ARNT2: variants seen among roughly 807,000 people sequenced by gnomAD.
ARNT2 encodes ARNT protein 2.
A neutral mutation model predicts 91.7 loss-of-function variants in ARNT2; 36 were observed. The ratio of observed to expected loss-of-function variants is 0.39; its 90% confidence interval spans 0.30 to 0.52. The LOEUF (loss-of-function observed/expected upper bound fraction) is 0.52. Ranked by LOEUF, ARNT2 falls within the 20% of genes least tolerant of loss-of-function variation. ARNT2 has a pLI of 0.72. For missense variants in ARNT2, 775 were observed against 939.3 expected (o/e 0.83, Z 2.29); for synonymous variants, 365 against 347.1 (o/e 1.05, Z -0.57).
At chr15:80,526,569 G>C (rs1227077612) in intron 8 of ARNT2, among the ~76,000 whole-genome samples, 1 of 152,228 alleles carries the variant, frequency 6.6e-6, no homozygotes, top group African/African-American at 2.4e-5. Flanking sequence ...CAGAGCCAAG[G>C]TCTGACCCTG....
At position 80,575,064 on chromosome 15, in the gene ARNT2, G is replaced by A. The variant is rs79573425; in HGVS notation, c.1467G>A (p.Gln489=). The A allele has an allele frequency of 6.1e-4, 979 of 1,614,204 alleles. 5 individuals carry two copies. The African/African-American group carries it at 0.011, about 18-fold the overall frequency. ...SVEKADAIFS[Q]ERDPRFAEMF... is the part of the protein sequence containing the mutation. ...AAAAGGCGGATGCAATCTTCTCCCA[G>A]GAAAGAGATCCTCGGTTTGCTGAAA... The change falls in exon 14 of 19, where the codon CAG becomes CAA. Residue 489 remains glutamine, a synonymous_variant. Coordinates refer to ENST00000303329, the MANE Select transcript of ARNT2 (RefSeq NM_014862.4).
chr15:80,514,294 A>G, intron 7 of ARNT2, 26 bp from the exon 8 acceptor site: 5 of 1,612,534 alleles, frequency 3.1e-6, no homozygotes, highest in Middle Eastern at 1.7e-4. Flanking sequence ...TGTGATGAAA[A>G]CAATTTCACA....
rs752647199 is a variant in ARNT2, at chr15:80,581,381, T to G, written c.1895T>G (p.Leu632Arg). 1.9e-6 allele frequency: 3 copies of G among 1,614,124 alleles called. No homozygotes were observed. The highest frequency in any genetic ancestry group is 1.7e-6 in the Non-Finnish European group (2 of 1,179,996). Reference sequence around the variant, plus strand: ...CCAAGTGGGAATGCCTACTCCAGTCTTGCCAACAGGACTCCAGGGTTCGGT... The same window carrying G: ...CCAAGTGGGAATGCCTACTCCAGTCGTGCCAACAGGACTCCAGGGTTCGGT... ...SSPSGNAYSS[L>R]ANRTPGFAES... is the part of the protein sequence containing the mutation. Residue 632 changes from leucine (L) to arginine (R), a missense_variant, in exon 17 of 19, where the codon CTT becomes CGT. By Grantham distance (102) the Leu-to-Arg change is moderately radical. Transcript: ENST00000303329.
intron 11 of ARNT2, 99 bp from the exon 12 acceptor site, chr15:80,562,989 G>T: frequency 1.5e-6 from 2 of 1,367,776 alleles, no homozygotes; most frequent in East Asian, 2.3e-5. Context: ...CTGAGGTCCT[G>T]CTGGCCCCTG....
At chr15:80,552,000 C>T (rs1235804368) in intron 9 of ARNT2, among the ~76,000 whole-genome samples, 1 of 152,156 alleles carries the variant, frequency 6.6e-6, no homozygotes, top group Non-Finnish European at 1.5e-5. Flanking sequence ...ATGTCTGGCA[C>T]ACACAGTAAC....
intron 1 of ARNT2, among the ~76,000 whole-genome samples, chr15:80,431,117 C>A (rs1022204847): frequency 2.6e-5 from 4 of 152,140 alleles, no homozygotes; most frequent in African/African-American, 9.7e-5. Context: ...AAGCCACCTG[C>A]CACCACCACC....
intron 12 of ARNT2, among the ~76,000 whole-genome samples, chr15:80,568,105 T>A (rs185096210): frequency 1.3e-5 from 2 of 152,322 alleles, no homozygotes. Context: ...AAAGAAGACC[T>A]CTTTATCATC....
chr15:80,406,037 A>G (rs926437633), intron 1 of ARNT2, among the ~76,000 whole-genome samples: 7 of 152,218 alleles, frequency 4.6e-5, no homozygotes, highest in Non-Finnish European at 7.3e-5. Flanking sequence ...CAGGGAGGCC[A>G]GCATGAAATG....
chr15:80,425,846 G>A (rs1225736298), intron 1 of ARNT2, among the ~76,000 whole-genome samples: 7 of 152,136 alleles, frequency 4.6e-5, no homozygotes, highest in African/African-American at 1.4e-4. Context: ...CCAGGTGCTC[G>A]AGACCAGCCT....
chr15:80,416,473 T>C (rs1895787296), intron 1 of ARNT2, among the ~76,000 whole-genome samples: 1 of 152,220 alleles, frequency 6.6e-6, no homozygotes, highest in African/African-American at 2.4e-5. Flanking sequence ...AATAGCATTA[T>C]CTAATCCACA....
intron 1 of ARNT2, among the ~76,000 whole-genome samples, chr15:80,423,040 A>G (rs973025193): frequency 2.0e-5 from 3 of 152,196 alleles, no homozygotes; most frequent in African/African-American, 7.2e-5. Flanking sequence ...TTTAAATCAA[A>G]TGTATGTTGG....
At chr15:80,516,417 G>A (rs1240249565) in intron 8 of ARNT2, among the ~76,000 whole-genome samples, 2 of 152,128 alleles carry the variant, frequency 1.3e-5, no homozygotes, top group East Asian at 1.9e-4. Flanking sequence ...AAAGAAAAGT[G>A]TTCCTTTTTA....
intron 12 of ARNT2, among the ~76,000 whole-genome samples, chr15:80,565,773 A>G (rs1466729591): frequency 6.6e-6 from 1 of 151,416 alleles, no homozygotes; most frequent in African/African-American, 2.4e-5. Flanking sequence ...TGGATTCTGG[A>G]TATCATGTCT....
intron 8 of ARNT2, among the ~76,000 whole-genome samples, chr15:80,540,038 T>C (rs1897882171): frequency 6.6e-6 from 1 of 152,066 alleles, no homozygotes; most frequent in Non-Finnish European, 1.5e-5. Flanking sequence ...CACTACTGGG[T>C]ATTTATCCGA....
At chr15:80,472,993 C>A (rs925777019) in intron 4 of ARNT2, among the ~76,000 whole-genome samples, 2 of 152,106 alleles carry the variant, frequency 1.3e-5, no homozygotes, top group African/African-American at 4.8e-5. Context: ...CAGATGAGCC[C>A]TACCTTTGTT....
chr15:80,449,769 C>T (rs1896360003), intron 1 of ARNT2, among the ~76,000 whole-genome samples: 1 of 152,144 alleles, frequency 6.6e-6, no homozygotes, highest in Non-Finnish European at 1.5e-5. Flanking sequence ...TCCCTGAGTT[C>T]TACTGAAAGG....
chr15:80,513,415 C>T (rs1897374546), intron 6 of ARNT2, among the ~76,000 whole-genome samples: 1 of 152,196 alleles, frequency 6.6e-6, no homozygotes, highest in Non-Finnish European at 1.5e-5. Context: ...AGTGCTAGAA[C>T]AGTGTATGGG....
chr15:80,417,473 A>T (rs1206426848), intron 1 of ARNT2, among the ~76,000 whole-genome samples: 1 of 152,034 alleles, frequency 6.6e-6, no homozygotes, highest in Non-Finnish European at 1.5e-5. Context: ...AAACTTGCCG[A>T]ATTTTCCATT....
At chr15:80,475,888 A>C (rs1441434892) in intron 5 of ARNT2, among the ~76,000 whole-genome samples, 1 of 152,202 alleles carries the variant, frequency 6.6e-6, no homozygotes, top group Non-Finnish European at 1.5e-5. Flanking sequence ...CTAGTTCCTT[A>C]TTGAAATGTT....
Sources: allele counts gnomAD v4.1 joint callset (sites outside exome capture counted in the v4.1 genomes callset), GRCh38; gene constraint gnomAD v4.1.1; transcripts MANE v1.5; gene names NCBI Gene and HGNC (gene_info 2026-07-23, HGNC 2026-07-21).